Variants in KRT75 observed in about 807,000 individuals in gnomAD.
KRT75 encodes the protein keratin 75.
Under a neutral mutation model 48.8 loss-of-function variants are expected in KRT75, and 35 were observed. The ratio of observed to expected loss-of-function variants is 0.72; its 90% CI spans 0.55 to 0.95. The LOEUF (loss-of-function observed/expected upper bound fraction) is 0.95, where lower values mean the gene tolerates loss of function less well. Among genes scored for constraint, KRT75 ranks in the 40% least tolerant of loss-of-function variants. The pLI is 0.00. For missense variants in KRT75, 776 were observed against 709.9 expected, an observed-to-expected ratio of 1.09 and a Z score of -1.06; for synonymous variants, 301 against 282.3, an observed-to-expected ratio of 1.07 and a Z score of -0.66.
intron 8 of KRT75, among the ~76,000 whole-genome samples, chr12:52,425,846 C>G (rs1197496539): frequency 2.6e-5 from 4 of 152,178 alleles, no homozygotes; most frequent in African/African-American, 9.7e-5. Flanking sequence ...ATTTCTGTTG[C>G]TTTAAACCAC....
chr12:52,430,603 C>T lies in KRT75; in HGVS notation c.973G>A (p.Ala325Thr). 6.2e-7 allele frequency: 1 copy of T among 1,614,154 alleles called. No homozygotes were observed. Among genetic ancestry groups the T allele is most frequent in the Non-Finnish European group, 8.5e-7 (1 of 1,180,018 alleles). The change falls in exon 5 of 9, where the codon GCA (alanine) becomes ACA (threonine). Residue 325 changes from alanine to threonine, a missense_variant. By Grantham distance (58) the Ala-to-Thr change is moderately conservative. Coordinates refer to ENST00000252245, the MANE Select transcript of KRT75 (RefSeq NM_004693.3). ...DLDSIIAEVKAQYEDIANRSR... is the reference protein window; with the variant it reads ...DLDSIIAEVKTQYEDIANRSR... ...CGGTTGGCAATGTCCTCGTATTGTG[C>T]TTTGACCTCGGCGATGATACTATCC...
At chr12:52,426,769 C>A in intron 8 of KRT75, 48 bp downstream of exon 8, 1 of 1,591,656 alleles carries the variant, frequency 6.3e-7, no homozygotes. Context: ...ATCCCCATCC[C>A]CTCTACCACA....
In KRT75 at chr12:52,426,802, G is replaced by A; in HGVS notation, c.1417+15C>T. 6.2e-7 allele frequency: 1 copy of A among 1,613,500 alleles called. No homozygotes were observed. The highest frequency in any genetic ancestry group is 8.5e-7 in the Non-Finnish European group (1 of 1,179,574). ...ACACACACTCCAAATGGCCCAAGAA[G>A]TATGTCATACTCACAAATGTTAACT... On this transcript the variant is annotated intron_variant, in intron 8 of 8. Transcript: ENST00000252245.
chr12:52,430,163 A>G (rs10876290), intron 5 of KRT75, among the ~76,000 whole-genome samples: 5,622 of 152,082 alleles, frequency 0.037, 252 homozygotes, highest in African/African-American at 0.089. Context: ...TTTGCAGTTT[A>G]TTTATTTGCA....
chr12:52,431,730 G>A (rs1940147036), intron 3 of KRT75, 92 bp from the exon 4 acceptor site: 1 of 1,064,028 alleles, frequency 9.4e-7, no homozygotes, highest in African/African-American at 1.6e-5. Context: ...AGCCCATCTA[G>A]TTTGGATTTT....
Position 52,434,369 on chromosome 12 carries a change from G to C in KRT75, c.-65C>G. The C allele has an allele frequency of 6.6e-7, 1 of 1,511,604 alleles. No individual in the cohort carries two copies. Among genetic ancestry groups the C allele is most frequent in the Non-Finnish European group, 8.8e-7 (1 of 1,137,164 alleles). The allele number at this position is 1,511,604 out of a possible 1,614,324, so 93.6% of individuals were successfully genotyped here. The stretch of plus-strand genomic sequence containing the variant: ...GCTGGTACAGGCAGTGGAGAAGACA[G>C]GTGGCTGGAGAGCCCTGGTCTCGTG... On this transcript the variant is annotated 5_prime_UTR_variant, in exon 1 of 9. Coordinates refer to ENST00000252245, the MANE Select transcript of KRT75 (RefSeq NM_004693.3).
At position 52,428,351 on chromosome 12, in the gene KRT75, C is replaced by A. The variant is rs139177070; in HGVS notation, c.1287G>T (p.Arg429=). ...TCAGCTCCTGGTACTCACGCAGGAG[C>A]CGAGCCATGTCCTGCTTGGCCTTCT... ...ALQKAKQDMA[R]LLREYQELMN... Residue 429 remains arginine, a synonymous_variant, in exon 7 of 9, where the codon CGG becomes CGT. Transcript: ENST00000252245. 8.6e-4 allele frequency: 1,376 copies of A among 1,607,466 alleles called. 2 individuals are homozygous for A. The highest frequency in any genetic ancestry group is 1.1e-3 in the Non-Finnish European group (1,314 of 1,177,910).
At chr12:52,430,974 T>C (rs1940137481) in intron 4 of KRT75, among the ~76,000 whole-genome samples, 1 of 152,208 alleles carries the variant, frequency 6.6e-6, no homozygotes, top group African/African-American at 2.4e-5. Context: ...GATTTGAATG[T>C]GACACGTGTC....
At chr12:52,430,732 C>T (rs752669603) in intron 4 of KRT75, 27 bp from the exon 5 acceptor site, 1 of 1,613,766 alleles carries the variant, frequency 6.2e-7, no homozygotes, top group Non-Finnish European at 8.5e-7. Flanking sequence ...TCAGCATCAC[C>T]AAGGCATAAG....
chr12:52,430,671 G>T lies in KRT75; in HGVS notation c.905C>A (p.Thr302Lys). Residue 302 changes from threonine to lysine, a missense_variant, in exon 5 of 9, where the codon ACA (threonine) becomes AAA (lysine). Thr to Lys is a moderately conservative substitution (Grantham distance 78). Transcript: ENST00000252245. ...LSQLQTQVGD[T>K]SVVLSMDNNR... ...GTTGTCCATGGACAGCACCACGGAT[G>T]TGTCACCGACCTGGGTCTGCAACTG... 1 of 1,614,182 alleles carries T rather than the reference G, an allele frequency of 6.2e-7. No individual in the cohort carries two copies. Among genetic ancestry groups the T allele is most frequent in the South Asian group, 1.1e-5 (1 of 91,088 alleles).
intron 8 of KRT75, among the ~76,000 whole-genome samples, chr12:52,425,952 C>T (rs1565790855): frequency 6.6e-6 from 1 of 152,154 alleles, no homozygotes; most frequent in East Asian, 1.9e-4. Flanking sequence ...TGCTTGAAGG[C>T]CTGTCCCCAA....
chr12:52,428,642 A>G lies in KRT75; in HGVS notation c.1137T>C (p.Ala379=), dbSNP rs1294505596. The G allele has an allele frequency of 6.2e-7, 1 of 1,614,220 alleles. No individual in the cohort carries two copies. The highest frequency in any genetic ancestry group is 1.7e-5 in the Admixed American group (1 of 60,018). ...EMNRMIQRLR[A]EIDSVKKQCS... is the part of the protein sequence containing the mutation. ...CCTGCTTCTTGACGCTGTCAATCTC[A>G]GCTCTCAGCCTCTGGATCATGCGGT... is the stretch of plus-strand genomic sequence containing the variant. The change falls in exon 6 of 9, where the codon GCT becomes GCC. Residue 379 remains alanine, a synonymous_variant. Coordinates refer to ENST00000252245, the MANE Select transcript of KRT75 (RefSeq NM_004693.3).
chr12:52,428,046 G>A (rs182507828), intron 7 of KRT75: 52 of 652,390 alleles, frequency 8.0e-5, no homozygotes, highest in Non-Finnish European at 1.2e-4. Flanking sequence ...CAGGTTTTAG[G>A]TTTCTATGGG....
chr12:52,424,702 C>T lies in KRT75; in HGVS notation c.1471G>A (p.Gly491Ser). The T allele has an allele frequency of 6.2e-7, 1 of 1,614,136 alleles. No homozygotes were observed. Among genetic ancestry groups the T allele is most frequent in the African/African-American group, 1.3e-5 (1 of 75,052 alleles). ...CCCCCACCGAGGCCCAGGTTTCCAC[C>T]TCCAATGCTGCTGCCGCTTCCATAG... ...SGYGSGSSIG[G>S]GNLGLGGGSG... Residue 491 changes from glycine to serine, a missense_variant, in exon 9 of 9, where the codon GGT becomes AGT. Gly to Ser is a moderately conservative substitution (Grantham distance 56, BLOSUM62 0). Transcript: ENST00000252245.
At chr12:52,429,762 G>A (rs1374746962) in intron 5 of KRT75, among the ~76,000 whole-genome samples, 2 of 152,206 alleles carry the variant, frequency 1.3e-5, no homozygotes, top group Non-Finnish European at 2.9e-5. Flanking sequence ...CAGAAGGGAT[G>A]AGGCAACGTA....
At chr12:52,433,326 G>T in intron 1 of KRT75, 74 bp from the exon 2 acceptor site, 1 of 1,263,906 alleles carries the variant, frequency 7.9e-7, no homozygotes, top group Non-Finnish European at 1.2e-6. Flanking sequence ...TAATAAGGGA[G>T]AGAAGAAAAA....
intron 7 of KRT75, among the ~76,000 whole-genome samples, chr12:52,427,694 G>A (rs1464138580): frequency 1.3e-5 from 2 of 152,188 alleles, no homozygotes; most frequent in East Asian, 3.8e-4. Flanking sequence ...TAATGTGAGA[G>A]TTTAGAACTA....
chr12:52,432,213 A>G (rs746160759), intron 2 of KRT75, 147 bp from the exon 3 acceptor site: 4 of 703,778 alleles, frequency 5.7e-6, no homozygotes, highest in African/African-American at 1.8e-5. Context: ...TTTAACCTCT[A>G]TTTCTCCCTC....
At chr12:52,425,590 G>A (rs1940066583) in intron 8 of KRT75, among the ~76,000 whole-genome samples, 1 of 152,240 alleles carries the variant, frequency 6.6e-6, no homozygotes, top group Admixed American at 6.5e-5. Context: ...AACAGAGAGT[G>A]GAGGGATGCA....
Sources: gnomAD v4.1 joint callset for allele counts (sites outside exome capture counted in the v4.1 genomes callset) on GRCh38, gnomAD v4.1.1 for gene constraint, MANE v1.5 for transcripts, NCBI Gene and HGNC (gene_info 2026-07-23, HGNC 2026-07-21) for gene names.